The following RBFOX1 variants were observed in gnomAD, a reference collection of about 807,000 sequenced individuals.
RBFOX1 encodes RNA binding protein fox-1 homolog 1.
In RBFOX1, 8 loss-of-function variants were observed where a neutral mutation model predicts 57.7. The ratio of observed to expected loss-of-function variants is 0.14; its 90% CI spans 0.08 to 0.25. RBFOX1 has a LOEUF of 0.25. Ranked by LOEUF, RBFOX1 falls within the 10% of genes least tolerant of loss-of-function variation. RBFOX1 has a pLI of 1.00. For synonymous variants in RBFOX1, 326 were observed against 222.4 expected (o/e 1.47, Z -4.15); for missense variants, 611 against 548.5 (o/e 1.11, Z -1.14).
At chr16:6,925,264 G>C (rs1185778523) in intron 3 of RBFOX1, among the ~76,000 whole-genome samples, 3 of 150,628 alleles carry the variant, frequency 2.0e-5, no homozygotes, top group Non-Finnish European at 4.4e-5. Context: ...CTCCCAAGTA[G>C]CTGGGATTAC....
chr16:6,278,809 T>A (rs940275476), intron 1 of RBFOX1, among the ~76,000 whole-genome samples: 5 of 152,308 alleles, frequency 3.3e-5, no homozygotes, highest in African/African-American at 1.2e-4. Flanking sequence ...CGATATTGTT[T>A]AAAGACAGCT....
chr16:5,355,880 T>TC (rs2151325984), intron 1 of RBFOX1, among the ~76,000 whole-genome samples: 4 of 152,194 alleles, frequency 2.6e-5, no homozygotes, highest in Admixed American at 2.6e-4. Flanking sequence ...CGCCTGAGAC[T>TC]AGGAGTTTGA....
At chr16:7,466,979 C>T (rs115224168) in intron 4 of RBFOX1, among the ~76,000 whole-genome samples, 3,129 of 152,226 alleles carry the variant, frequency 0.021, 50 homozygotes, top group Middle Eastern at 0.048. Context: ...TGCTCCAGGG[C>T]CCTGTGTTAG....
intron 1 of RBFOX1, among the ~76,000 whole-genome samples, chr16:5,294,954 C>T (rs559947938): frequency 6.8e-6 from 1 of 146,744 alleles, no homozygotes; most frequent in African/African-American, 2.5e-5. Context: ...CCCTTGAGCC[C>T]AGGAGGCAGA....
In RBFOX1 at chr16:7,157,127, G is replaced by A. The variant is rs139967089; in HGVS notation, c.27+105029G>A. On this transcript the variant is annotated intron_variant, in intron 4 of 15. Coordinates refer to ENST00000550418, the MANE Select transcript of RBFOX1 (RefSeq NM_018723.4). ...CTATTGAGTGTGGGAGAAAGCAATCGTATTCTCATTGGCACAGGATAAGGG... is the reference window on the plus strand; with the variant it reads ...CTATTGAGTGTGGGAGAAAGCAATCATATTCTCATTGGCACAGGATAAGGG... 7.2e-5 allele frequency among the ~76,000 whole-genome samples: 11 copies of A among 152,234 alleles called. No homozygotes were observed. The East Asian group carries it at 1.9e-3, about 27-fold the overall frequency.
At chr16:7,161,855 A>G (rs528794027) in intron 4 of RBFOX1, among the ~76,000 whole-genome samples, 10 of 152,374 alleles carry the variant, frequency 6.6e-5, no homozygotes, top group South Asian at 4.1e-4. Flanking sequence ...AACACGTTCA[A>G]TTGATTTCCA....
intron 3 of RBFOX1, among the ~76,000 whole-genome samples, chr16:7,046,786 A>G (rs2048120548): frequency 6.6e-6 from 1 of 151,578 alleles, no homozygotes; most frequent in South Asian, 2.1e-4. Context: ...TTGTATTTTT[A>G]ATAGAGACGG....
Position 7,537,666 on chromosome 16 carries a change from AG to A in RBFOX1, c.270+19279del, listed in dbSNP as rs376358339. ...GACCTTGCCAAGGGAAGTAGGAATC[AG>A]GAAATGGTGGCTTCTAACGTGATTT... On this transcript the variant is annotated intron_variant, in intron 5 of 15. Coordinates refer to ENST00000550418, the MANE Select transcript of RBFOX1 (RefSeq NM_018723.4). Among the ~76,000 whole-genome samples, 59 of 152,312 alleles carry A rather than the reference AG, an allele frequency of 3.9e-4. 1 individual carries two copies. Among genetic ancestry groups the A allele is most frequent in the African/African-American group, 1.3e-3 (56 of 41,582 alleles).
chr16:6,449,849 G>A (rs2153042075), intron 2 of RBFOX1, among the ~76,000 whole-genome samples: 1 of 152,284 alleles, frequency 6.6e-6, no homozygotes, highest in Non-Finnish European at 1.5e-5. Flanking sequence ...TGAATCTGCA[G>A]GAAAGTGGAT....
intron 1 of RBFOX1, among the ~76,000 whole-genome samples, chr16:5,329,721 CG>C (rs2151271230): frequency 6.6e-6 from 1 of 152,260 alleles, no homozygotes; most frequent in Non-Finnish European, 1.5e-5. Flanking sequence ...ATATGTGGGC[CG>C]GGCGCGGTGG....
intron 3 of RBFOX1, among the ~76,000 whole-genome samples, chr16:6,929,438 C>G (rs543204615): frequency 2.0e-5 from 3 of 152,222 alleles, no homozygotes; most frequent in East Asian, 3.9e-4. Context: ...CAGCAGTTCC[C>G]TGGTATATAT....
intron 1 of RBFOX1, chr16:5,270,619 G>A: frequency 1.7e-6 from 1 of 585,352 alleles, no homozygotes; most frequent in Non-Finnish European, 3.2e-6. Context: ...GCAACAATCA[G>A]ATACTGAAGA....
chr16:6,724,128 A>G (rs559114172), intron 3 of RBFOX1, among the ~76,000 whole-genome samples: 1 of 151,916 alleles, frequency 6.6e-6, no homozygotes, highest in Admixed American at 6.5e-5. Flanking sequence ...CATGAATGGG[A>G]TTAGTGCCAT....
chr16:5,938,970 A>G (rs947647666), intron 4 of RBFOX1, among the ~76,000 whole-genome samples: 1 of 152,206 alleles, frequency 6.6e-6, no homozygotes, highest in Non-Finnish European at 1.5e-5. Flanking sequence ...GGCAACCATC[A>G]TTATCAGCAA....
At chr16:7,276,048 T>C (rs1240713567) in intron 4 of RBFOX1, among the ~76,000 whole-genome samples, 1 of 152,212 alleles carries the variant, frequency 6.6e-6, no homozygotes, top group East Asian at 1.9e-4. Context: ...CATTTCTGAT[T>C]GAAAAGGCAA....
At chr16:5,679,405 A>T (rs866004419) in intron 3 of RBFOX1, among the ~76,000 whole-genome samples, 1 of 151,808 alleles carries the variant, frequency 6.6e-6, no homozygotes, top group Non-Finnish European at 1.5e-5. Context: ...TTATATAGGT[A>T]TACATGTGCC....
intron 4 of RBFOX1, among the ~76,000 whole-genome samples, chr16:5,893,344 G>C (rs1436677756): frequency 2.0e-5 from 3 of 152,278 alleles, no homozygotes; most frequent in Non-Finnish European, 4.4e-5. Context: ...ATAAGACCTA[G>C]TATTGCTAGC....
intron 13 of RBFOX1, among the ~76,000 whole-genome samples, chr16:7,668,386 T>C (rs757925087): frequency 3.7e-4 from 56 of 152,140 alleles, no homozygotes; most frequent in Non-Finnish European, 4.3e-4. Flanking sequence ...CACAGATATC[T>C]TGAAATTGCC....
At chr16:7,145,036 A>C (rs1276096508) in intron 4 of RBFOX1, among the ~76,000 whole-genome samples, 2 of 152,134 alleles carry the variant, frequency 1.3e-5, no homozygotes, top group Admixed American at 6.5e-5. Context: ...GTTCTGGGCA[A>C]ATCCTAGCCG....
Sources: gnomAD v4.1 joint callset for allele counts (sites outside exome capture counted in the v4.1 genomes callset) on GRCh38, gnomAD v4.1.1 for gene constraint, MANE v1.5 for transcripts, NCBI Gene and HGNC (gene_info 2026-07-23, HGNC 2026-07-21) for gene names.